Variants in ADAM12 observed in about 807,000 individuals in gnomAD.
The protein encoded by ADAM12 is disintegrin and metalloproteinase domain-containing protein 12.
Under a neutral mutation model 106.4 loss-of-function variants are expected in ADAM12, and 70 were observed. The ratio of observed to expected loss-of-function variants is 0.66; its 90% confidence interval spans 0.54 to 0.80. The LOEUF (loss-of-function observed/expected upper bound fraction) is 0.80, where lower values mean the gene tolerates loss of function less well. Among genes scored for constraint, ADAM12 ranks in the 30% least tolerant of loss-of-function variants. The pLI, the probability that ADAM12 is intolerant of heterozygous loss-of-function variation, is 0.00. For synonymous variants in ADAM12, 420 were observed against 433.5 expected (o/e 0.97, Z 0.39); for missense variants, 1,010 against 1,171.9 (o/e 0.86, Z 2.02).
intron 2 of ADAM12, among the ~76,000 whole-genome samples, chr10:126,280,707 G>A (rs1276799741): frequency 2.6e-5 from 4 of 152,258 alleles, no homozygotes; most frequent in African/African-American, 9.6e-5. Flanking sequence ...AGTTTTCACT[G>A]ATGGATGATA....
chr10:126,149,898 G>C (rs531346547), intron 4 of ADAM12, among the ~76,000 whole-genome samples: 2 of 152,102 alleles, frequency 1.3e-5, no homozygotes, highest in Non-Finnish European at 2.9e-5. Context: ...CCTTGTGATC[G>C]TGTGAGTCTG....
intron 11 of ADAM12, among the ~76,000 whole-genome samples, chr10:126,081,379 G>A (rs1955212540): frequency 3.8e-5 from 4 of 104,582 alleles, no homozygotes; most frequent in Admixed American, 3.4e-4. Context: ...ACTGATTGGG[G>A]GAAAAAAACA....
intron 3 of ADAM12, among the ~76,000 whole-genome samples, chr10:126,277,758 C>G (rs890574409): frequency 7.2e-5 from 11 of 152,034 alleles, no homozygotes; most frequent in Admixed American, 4.6e-4. Context: ...AGCTTCTGAT[C>G]TATTTAATGG....
chr10:126,144,763 T>C (rs1956594413), intron 4 of ADAM12, among the ~76,000 whole-genome samples: 1 of 152,188 alleles, frequency 6.6e-6, no homozygotes, highest in South Asian at 2.1e-4. Flanking sequence ...AGAAGGAACA[T>C]ATGGTACAGC....
chr10:126,025,700 C>G (rs1953859878), intron 21 of ADAM12, among the ~76,000 whole-genome samples: 1 of 152,064 alleles, frequency 6.6e-6, no homozygotes. Context: ...CCTCGAAGAT[C>G]AAAGGTAGAT....
At chr10:126,281,321 T>C (rs1959570209) in intron 2 of ADAM12, among the ~76,000 whole-genome samples, 1 of 152,188 alleles carries the variant, frequency 6.6e-6, no homozygotes, top group Non-Finnish European at 1.5e-5. Context: ...CAAATAGTGT[T>C]TGCCTAAGAT....
At chr10:126,025,455 A>ATCC (rs906779127) in intron 21 of ADAM12, among the ~76,000 whole-genome samples, 2 of 138,276 alleles carry the variant, frequency 1.4e-5, no homozygotes, top group Admixed American at 1.4e-4. Context: ...CTTGAAGACT[A>ATCC]TCCTGAAATA....
rs570585288 is a variant in ADAM12 at position 126,323,226 on chromosome 10, C to A, written c.186+7186G>T. Among the ~76,000 whole-genome samples the A allele has an allele frequency of 5.3e-5, 8 of 152,318 alleles. No individual in the cohort carries two copies. The East Asian group carries it at 1.5e-3, about 29-fold the overall frequency. ...AAGTCTGAAAGGCTAACTATTGAGC[C>A]TGTTCAGCCAAGCTGGAGGTGCTAC... On this transcript the variant is annotated intron_variant, in intron 2 of 22. Coordinates refer to ENST00000448723, the MANE Select transcript of ADAM12 (RefSeq NM_001288973.2).
At chr10:126,032,048 A>G (rs1564997804) in intron 21 of ADAM12, among the ~76,000 whole-genome samples, 1 of 152,220 alleles carries the variant, frequency 6.6e-6, no homozygotes, top group Non-Finnish European at 1.5e-5. Context: ...TCCTTCATTT[A>G]TAAGTCAAAC....
chr10:126,064,682 C>T lies in ADAM12; in HGVS notation c.1609+124G>A, dbSNP rs1029075102. On this transcript the variant is annotated intron_variant, in intron 14 of 22. Transcript: ENST00000448723. The surrounding 1 kb of genome is among the most constrained non-coding windows in gnomAD (Gnocchi z 4.4). ...GTCAATCACTCCCGACTGAACACAC[C>T]GGATGCTGTGTGGACAGCGCCCGCC... The T allele has an allele frequency of 7.6e-6, 8 of 1,046,884 alleles. No homozygotes were observed. The highest frequency in any genetic ancestry group is 3.1e-5 in the South Asian group (2 of 63,526). The allele number at this position is 1,046,884 out of a possible 1,614,324, so 64.8% of individuals were successfully genotyped here.
At position 126,043,007 on chromosome 10, in the gene ADAM12, C is replaced by A; in HGVS notation, c.2104+33G>T. On this transcript the variant is annotated intron_variant, in intron 18 of 22. Coordinates refer to ENST00000448723, the MANE Select transcript of ADAM12 (RefSeq NM_001288973.2). The surrounding 1 kb of genome is among the most constrained non-coding windows in gnomAD (Gnocchi z 4.1). ...GCCCACCCGCCCCCAGGTGCTCAGCCTCCTCCCACCGGGATGCAGGGGCTT... is the reference window on the plus strand; with the variant it reads ...GCCCACCCGCCCCCAGGTGCTCAGCATCCTCCCACCGGGATGCAGGGGCTT... 1.2e-6 allele frequency: 2 copies of A among 1,604,370 alleles called. No homozygotes were observed. Among genetic ancestry groups the A allele is most frequent in the Middle Eastern group, 1.7e-4 (1 of 5,950 alleles).
At chr10:126,034,111 A>G (rs1344423686) in intron 21 of ADAM12, among the ~76,000 whole-genome samples, 2 of 152,350 alleles carry the variant, frequency 1.3e-5, no homozygotes, top group East Asian at 3.9e-4. Flanking sequence ...AAAGCGACCT[A>G]AAAGGTGATA....
At position 126,354,298 on chromosome 10, in the gene ADAM12, A is replaced by G. The variant is rs150242561; in HGVS notation, c.89-23789T>C. Among the ~76,000 whole-genome samples, 202 of 152,282 alleles carry G rather than the reference A, an allele frequency of 1.3e-3. 2 individuals are homozygous for G. Among genetic ancestry groups the G allele is most frequent in the African/African-American group, 4.5e-3 (189 of 41,550 alleles). On this transcript the variant is annotated intron_variant, in intron 1 of 22. Coordinates refer to ENST00000448723, the MANE Select transcript of ADAM12 (RefSeq NM_001288973.2). Reference sequence around the variant, plus strand: ...TTTTTATTAGAGTAAAAGCCCTAGAATATATTTTGCAATAATGTTAGTTAG... The same window carrying G: ...TTTTTATTAGAGTAAAAGCCCTAGAGTATATTTTGCAATAATGTTAGTTAG...
intron 1 of ADAM12, among the ~76,000 whole-genome samples, chr10:126,343,168 T>TCCCTCCC (rs1289293221): frequency 3.7e-5 from 5 of 133,944 alleles, no homozygotes; most frequent in Non-Finnish European, 8.0e-5. Context: ...CCTAATGCTA[T>TCCCTCCC]CCCTCCCCCC....
intron 1 of ADAM12, among the ~76,000 whole-genome samples, chr10:126,346,893 C>T (rs893184283): frequency 6.6e-6 from 1 of 152,096 alleles, no homozygotes; most frequent in East Asian, 1.9e-4. Context: ...TCCTCCAACC[C>T]TTTATTTTGA....
intron 1 of ADAM12, among the ~76,000 whole-genome samples, chr10:126,380,137 C>T (rs775808334): frequency 2.6e-4 from 39 of 152,264 alleles, no homozygotes; most frequent in Middle Eastern, 3.4e-3. Context: ...CTGAATTACT[C>T]GGCTTTTCCA....
At chr10:126,340,300 A>G (rs183580610) in intron 1 of ADAM12, among the ~76,000 whole-genome samples, 1 of 152,372 alleles carries the variant, frequency 6.6e-6, no homozygotes, top group Admixed American at 6.5e-5. Context: ...TACATAAACA[A>G]GAAATAGTTA....
At chr10:126,131,546 A>T (rs1240423470) in intron 5 of ADAM12, among the ~76,000 whole-genome samples, 2 of 152,056 alleles carry the variant, frequency 1.3e-5, no homozygotes, top group Non-Finnish European at 2.9e-5. Context: ...CTTAGATGAG[A>T]TCATGAGGGA....
chr10:126,179,068 A>T (rs1957269283), intron 3 of ADAM12, among the ~76,000 whole-genome samples: 1 of 152,052 alleles, frequency 6.6e-6, no homozygotes, highest in African/African-American at 2.4e-5. Flanking sequence ...AGAAAAAAAA[A>T]AGAAGAAAAA....
Sources: gnomAD v4.1 joint callset for allele counts (sites outside exome capture counted in the v4.1 genomes callset) on GRCh38, gnomAD v4.1.1 for gene constraint, Gnocchi (gnomAD v3.1) non-coding constraint, MANE v1.5 for transcripts, NCBI Gene and HGNC (gene_info 2026-07-23, HGNC 2026-07-21) for gene names.